The following ADAMTS17 variants were observed in gnomAD, a reference collection of about 807,000 sequenced individuals.
ADAMTS17 encodes A disintegrin and metalloproteinase with thrombospondin motifs 17.
ADAMTS17 carries 113 observed loss-of-function variants against 141.5 expected under a neutral mutation model. The ratio of observed to expected loss-of-function variants is 0.80; its 90% CI spans 0.69 to 0.93. The LOEUF (loss-of-function observed/expected upper bound fraction) is 0.93. Ranked by LOEUF, ADAMTS17 falls within the 40% of genes least tolerant of loss-of-function variation. The pLI is 0.00. For synonymous variants in ADAMTS17, 768 were observed against 630.6 expected, an observed-to-expected ratio of 1.22 and a Z score of -3.27; for missense variants, 1,659 against 1,517.9, an observed-to-expected ratio of 1.09 and a Z score of -1.54.
chr15:100,104,444 C>T (rs1011433673), intron 14 of ADAMTS17, among the ~76,000 whole-genome samples: 7 of 152,178 alleles, frequency 4.6e-5, no homozygotes, highest in African/African-American at 1.7e-4. Flanking sequence ...AATGGCATTT[C>T]CATGTTTCAT....
At chr15:100,098,377 G>A (rs771491207) in intron 14 of ADAMTS17, among the ~76,000 whole-genome samples, 53 of 152,196 alleles carry the variant, frequency 3.5e-4, no homozygotes, top group African/African-American at 1.0e-3. Flanking sequence ...GGCCCGGTGC[G>A]GTGGCTCACG....
chr15:99,981,963 C>T (rs1253831552), intron 20 of ADAMTS17, among the ~76,000 whole-genome samples: 4 of 152,260 alleles, frequency 2.6e-5, no homozygotes, highest in African/African-American at 4.8e-5. Flanking sequence ...CCATGCAGTG[C>T]GGGGTGTCAG....
intron 10 of ADAMTS17, among the ~76,000 whole-genome samples, chr15:100,140,142 T>G (rs1393802845): frequency 6.6e-6 from 1 of 151,958 alleles, no homozygotes; most frequent in African/African-American, 2.4e-5. Flanking sequence ...ACTACAGGCA[T>G]GCGCCACCAT....
At chr15:100,084,569 G>A (rs1193077022) in intron 15 of ADAMTS17, among the ~76,000 whole-genome samples, 1 of 152,220 alleles carries the variant, frequency 6.6e-6, no homozygotes, top group Non-Finnish European at 1.5e-5. Flanking sequence ...TGACCCCCGA[G>A]TAGCCTAAAT....
At chr15:100,135,962 T>G (rs544805616) in intron 10 of ADAMTS17, among the ~76,000 whole-genome samples, 2 of 152,334 alleles carry the variant, frequency 1.3e-5, no homozygotes, top group African/African-American at 4.8e-5. Context: ...CAATGGGTCC[T>G]TTTGGATGCT....
chr15:100,120,404 T>C (rs2037394147), intron 12 of ADAMTS17, among the ~76,000 whole-genome samples: 1 of 152,214 alleles, frequency 6.6e-6, no homozygotes, highest in South Asian at 2.1e-4. Context: ...GTAAGAACCT[T>C]ATCTTCCAAA....
intron 3 of ADAMTS17, among the ~76,000 whole-genome samples, chr15:100,304,738 G>A (rs1325059360): frequency 6.6e-6 from 1 of 152,082 alleles, no homozygotes; most frequent in Non-Finnish European, 1.5e-5. Context: ...TTGGTCTGCT[G>A]TAGCAGACTG....
At chr15:100,223,048 T>C (rs1215756763) in intron 7 of ADAMTS17, among the ~76,000 whole-genome samples, 1 of 152,214 alleles carries the variant, frequency 6.6e-6, no homozygotes, top group Non-Finnish European at 1.5e-5. Flanking sequence ...TTTTCCCACT[T>C]TTGATAAAGA....
intron 3 of ADAMTS17, among the ~76,000 whole-genome samples, chr15:100,310,675 C>T (rs1393022519): frequency 6.6e-6 from 1 of 152,196 alleles, no homozygotes; most frequent in Admixed American, 6.5e-5. Flanking sequence ...CAAAGCCGAC[C>T]ACCAGTGACG....
chr15:100,332,918 G>A (rs529919034), intron 2 of ADAMTS17, among the ~76,000 whole-genome samples: 1 of 152,290 alleles, frequency 6.6e-6, no homozygotes, highest in East Asian at 1.9e-4. Context: ...GGGTTGTACA[G>A]GGCCCTCACC....
At chr15:100,173,408 A>G (rs1359028719) in intron 8 of ADAMTS17, among the ~76,000 whole-genome samples, 1 of 152,080 alleles carries the variant, frequency 6.6e-6, no homozygotes, top group African/African-American at 2.4e-5. Flanking sequence ...GAGTTTCTGG[A>G]CACCCTCACA....
intron 15 of ADAMTS17, among the ~76,000 whole-genome samples, chr15:100,068,003 T>C (rs932335509): frequency 7.9e-5 from 12 of 151,988 alleles, no homozygotes; most frequent in African/African-American, 2.9e-4. Context: ...CCTTTCCTAG[T>C]CAAAGAAAGG....
At chr15:100,302,532 A>G (rs1211621480) in intron 3 of ADAMTS17, among the ~76,000 whole-genome samples, 2 of 152,200 alleles carry the variant, frequency 1.3e-5, no homozygotes, top group Admixed American at 6.5e-5. Flanking sequence ...ACAGCAGTCT[A>G]TGAGAATTCG....
intron 12 of ADAMTS17, among the ~76,000 whole-genome samples, chr15:100,120,444 T>A (rs1392669500): frequency 6.6e-6 from 1 of 152,226 alleles, no homozygotes; most frequent in Non-Finnish European, 1.5e-5. Flanking sequence ...GACTGTTGAT[T>A]GCTACTTTCA....
intron 7 of ADAMTS17, 47 bp from the exon 8 acceptor site, chr15:100,199,470 C>T (rs879187457): frequency 6.5e-7 from 1 of 1,544,384 alleles, no homozygotes. Context: ...GTGGGAGGCC[C>T]TGGTCTCACC....
At chr15:100,151,942 C>T (rs1258875053) in intron 10 of ADAMTS17, among the ~76,000 whole-genome samples, 3 of 152,212 alleles carry the variant, frequency 2.0e-5, no homozygotes, top group Non-Finnish European at 4.4e-5. Context: ...CAAATCCTCG[C>T]TCTACTACCT....
intron 16 of ADAMTS17, among the ~76,000 whole-genome samples, chr15:100,052,718 G>C (rs2032243024): frequency 6.6e-6 from 1 of 152,188 alleles, no homozygotes; most frequent in African/African-American, 2.4e-5. Context: ...TGTGACTAGG[G>C]AACAATCTTA....
chr15:100,327,726 GT>G (rs2045939259), intron 3 of ADAMTS17, among the ~76,000 whole-genome samples: 1 of 152,208 alleles, frequency 6.6e-6, no homozygotes, highest in Non-Finnish European at 1.5e-5. Context: ...TACCATTTTA[GT>G]TTGCCAAGTT....
At chr15:100,056,173 A>G (rs1367110406) in intron 15 of ADAMTS17, among the ~76,000 whole-genome samples, 2 of 152,264 alleles carry the variant, frequency 1.3e-5, no homozygotes, top group African/African-American at 2.4e-5. Context: ...ATGCAAATAC[A>G]TACTTGGTTA....
Sources: gnomAD v4.1 joint callset for allele counts (sites outside exome capture counted in the v4.1 genomes callset) on GRCh38, gnomAD v4.1.1 for gene constraint, MANE v1.5 for transcripts, NCBI Gene and HGNC (gene_info 2026-07-23, HGNC 2026-07-21) for gene names.